Variants in FAF1 observed in about 807,000 individuals in gnomAD.
FAF1 encodes Fas associated factor 1.
Under a neutral mutation model 92.5 loss-of-function variants are expected in FAF1, and 25 were observed. That is an observed-to-expected ratio of 0.27 (90% CI 0.20 to 0.38). The LOEUF (loss-of-function observed/expected upper bound fraction) is 0.38, where lower values mean the gene tolerates loss of function less well. Among genes scored for constraint, FAF1 ranks in the 10% least tolerant of loss-of-function variants. The probability of loss-of-function intolerance (pLI) is 1.00; values close to 1 mark genes in which losing one functional copy is unlikely to be tolerated. For synonymous variants in FAF1, 234 were observed against 273.2 expected, an observed-to-expected ratio of 0.86 and a Z score of 1.42; for missense variants, 636 against 793.3, an observed-to-expected ratio of 0.80 and a Z score of 2.38.
intron 5 of FAF1, among the ~76,000 whole-genome samples, chr1:50,742,305 ACTCAT>A (rs1291049212): frequency 6.6e-6 from 1 of 151,046 alleles, no homozygotes; most frequent in East Asian, 1.9e-4. Flanking sequence ...CAGGGTGAGA[ACTCAT>A]CTCATAAAAA....
At chr1:50,611,750 C>T (rs955344931) in intron 8 of FAF1, among the ~76,000 whole-genome samples, 1 of 152,124 alleles carries the variant, frequency 6.6e-6, no homozygotes, top group Non-Finnish European at 1.5e-5. Context: ...TTTCACAATG[C>T]ACAATTTGAT....
intron 8 of FAF1, among the ~76,000 whole-genome samples, chr1:50,645,966 T>G (rs941416998): frequency 3.3e-5 from 5 of 152,222 alleles, no homozygotes; most frequent in African/African-American, 1.2e-4. Flanking sequence ...ATTATGTGCT[T>G]TACATATTAG....
At chr1:50,841,250 T>C (rs533675885) in intron 2 of FAF1, among the ~76,000 whole-genome samples, 3 of 152,046 alleles carry the variant, frequency 2.0e-5, no homozygotes, top group Admixed American at 6.6e-5. Flanking sequence ...ATATATAAAA[T>C]TTTGTCTTCA....
intron 1 of FAF1, among the ~76,000 whole-genome samples, chr1:50,877,778 C>T (rs780799880): frequency 4.1e-4 from 62 of 152,188 alleles, no homozygotes; most frequent in Non-Finnish European, 7.5e-4. Context: ...CTAACAGAAA[C>T]GGCTGTTGTG....
intron 8 of FAF1, among the ~76,000 whole-genome samples, chr1:50,649,758 T>TA (rs928810085): frequency 7.4e-6 from 1 of 134,426 alleles, no homozygotes; most frequent in African/African-American, 2.9e-5. Context: ...CTGGCCAACT[T>TA]ATGAAACCGC....
At chr1:50,908,886 T>C (rs1185244065) in intron 1 of FAF1, among the ~76,000 whole-genome samples, 2 of 152,214 alleles carry the variant, frequency 1.3e-5, no homozygotes, top group Non-Finnish European at 2.9e-5. Flanking sequence ...TTAAGGTTAA[T>C]ATTGTTATGT....
rs919746280 is a variant in FAF1 at position 50,860,485 on chromosome 1, C to A, written c.46-2488G>T. On this transcript the variant is annotated intron_variant, in intron 1 of 18. Transcript: ENST00000396153. ...CAAAAGAAGACGTACACATGGCCAA[C>A]AAACATGAAAAAATGTTCCACATCA... Among the ~76,000 whole-genome samples, 8 of 151,824 alleles carry A rather than the reference C, an allele frequency of 5.3e-5. No homozygotes were observed. The East Asian group carries it at 1.5e-3, about 29-fold the overall frequency.
intron 7 of FAF1, among the ~76,000 whole-genome samples, chr1:50,661,915 T>C (rs1176126401): frequency 6.6e-6 from 1 of 152,206 alleles, no homozygotes; most frequent in Non-Finnish European, 1.5e-5. Flanking sequence ...GGATTTGTTT[T>C]ACTAAGATGC....
chr1:50,584,168 A>T (rs1021308332), intron 10 of FAF1, among the ~76,000 whole-genome samples: 9 of 152,256 alleles, frequency 5.9e-5, no homozygotes, highest in Admixed American at 5.2e-4. Flanking sequence ...TCACAAAGTA[A>T]ATAGGCCATT....
intron 7 of FAF1, 146 bp from the exon 8 acceptor site, chr1:50,655,674 A>C: frequency 1.8e-6 from 1 of 542,138 alleles, no homozygotes; most frequent in African/African-American, 2.0e-5. Flanking sequence ...CAAGTCAAAA[A>C]ATTTTGTAAA....
At chr1:50,760,551 C>T (rs1380976613) in intron 4 of FAF1, among the ~76,000 whole-genome samples, 1 of 152,186 alleles carries the variant, frequency 6.6e-6, no homozygotes, top group African/African-American at 2.4e-5. Context: ...AACTGCTCAA[C>T]TACATGGAAA....
chr1:50,952,232 C>T (rs966867234), intron 1 of FAF1, among the ~76,000 whole-genome samples: 2 of 152,178 alleles, frequency 1.3e-5, no homozygotes, highest in Non-Finnish European at 2.9e-5. Flanking sequence ...CTCAGCCTGC[C>T]GAGTGCCTGG....
intron 2 of FAF1, among the ~76,000 whole-genome samples, chr1:50,806,962 C>T (rs1028681215): frequency 2.0e-5 from 3 of 152,204 alleles, no homozygotes; most frequent in Admixed American, 2.0e-4. Flanking sequence ...GCAGCAAGAA[C>T]TCTGGCAACT....
chr1:50,632,362 A>G lies in FAF1; in HGVS notation c.744+23080T>C, dbSNP rs184401955. Among the ~76,000 whole-genome samples the G allele has an allele frequency of 3.6e-4, 55 of 152,352 alleles. 4 individuals carry two copies. Among genetic ancestry groups the G allele is most frequent in the African/African-American group, 1.3e-3 (54 of 41,596 alleles). The stretch of plus-strand genomic sequence containing the variant: ...TCAGATCTCCAGTTTTCAACTGAAC[A>G]TCTAATTCAAGATAACTGATTGGCT... On this transcript the variant is annotated intron_variant, in intron 8 of 18. Coordinates refer to ENST00000396153, the MANE Select transcript of FAF1 (RefSeq NM_007051.3).
At chr1:50,586,796 G>T (rs923862356) in intron 9 of FAF1, among the ~76,000 whole-genome samples, 1 of 152,178 alleles carries the variant, frequency 6.6e-6, no homozygotes, top group Non-Finnish European at 1.5e-5. Flanking sequence ...TTGAGTTCCC[G>T]CTGTGTTTCA....
chr1:50,773,784 A>G (rs1660855735), intron 4 of FAF1, among the ~76,000 whole-genome samples: 1 of 152,200 alleles, frequency 6.6e-6, no homozygotes, highest in African/African-American at 2.4e-5. Flanking sequence ...AGTAAGGTGA[A>G]TACAGTTAAG....
chr1:50,463,896 T>C (rs191152608), intron 18 of FAF1, among the ~76,000 whole-genome samples: 38 of 152,354 alleles, frequency 2.5e-4, no homozygotes, highest in African/African-American at 7.9e-4. Context: ...TTCTTGGATG[T>C]TTGGTCACAT....
chr1:50,840,778 T>C (rs1644249315), intron 2 of FAF1, among the ~76,000 whole-genome samples: 1 of 152,008 alleles, frequency 6.6e-6, no homozygotes, highest in South Asian at 2.1e-4. Flanking sequence ...CCAAGAAAAT[T>C]GTCAGACAAG....
chr1:50,729,048 ATATATATATATTT>A (rs1557497165), intron 6 of FAF1, among the ~76,000 whole-genome samples: 10 of 88,016 alleles, frequency 1.1e-4, no homozygotes, highest in Admixed American at 6.5e-4. Context: ...ATATATATAT[ATATATATATATTT>A]TTTTTTTTTT....
Sources: gnomAD v4.1 joint callset for allele counts (sites outside exome capture counted in the v4.1 genomes callset) on GRCh38, gnomAD v4.1.1 for gene constraint, MANE v1.5 for transcripts, NCBI Gene and HGNC (gene_info 2026-07-23, HGNC 2026-07-21) for gene names.